Variants in FHIT observed in about 807,000 individuals in gnomAD.
FHIT encodes fragile histidine triad diadenosine triphosphatase, also known as bis(5'-adenosyl)-triphosphatase.
Under a neutral mutation model 17.9 loss-of-function variants are expected in FHIT, and 19 were observed. That is an observed-to-expected ratio of 1.06 (90% CI 0.74 to 1.56). The LOEUF (loss-of-function observed/expected upper bound fraction) is 1.56. FHIT is among the 40% of genes most tolerant of loss of function. The pLI is 0.00. For synonymous variants in FHIT, 81 were observed against 69.7 expected, an observed-to-expected ratio of 1.16 and a Z score of -0.81; for missense variants, 248 against 189.2, an observed-to-expected ratio of 1.31 and a Z score of -1.82.
intron 6 of FHIT, 34 bp from the exon 7 acceptor site, chr3:60,011,434 T>TC (rs769252439): frequency 6.3e-7 from 1 of 1,580,566 alleles, no homozygotes; most frequent in Non-Finnish European, 8.7e-7. Context: ...GAGGTGAGAA[T>TC]AGATAGATGG....
intron 4 of FHIT, among the ~76,000 whole-genome samples, chr3:60,710,382 A>C (rs2041491224): frequency 1.3e-5 from 2 of 152,190 alleles, no homozygotes; most frequent in Non-Finnish European, 2.9e-5. Flanking sequence ...CATCTGAGGT[A>C]CCCGGTTCAT....
intron 3 of FHIT, among the ~76,000 whole-genome samples, chr3:60,993,438 T>G (rs1195282285): frequency 6.6e-6 from 1 of 152,218 alleles, no homozygotes; most frequent in Non-Finnish European, 1.5e-5. Context: ...GAAGTTCTGC[T>G]ATACCCAACA....
chr3:61,131,409 T>C (rs886290797), intron 2 of FHIT, among the ~76,000 whole-genome samples: 1 of 152,200 alleles, frequency 6.6e-6, no homozygotes, highest in Non-Finnish European at 1.5e-5. Flanking sequence ...TCTTTGGTTG[T>C]TATCAAAATA....
intron 4 of FHIT, among the ~76,000 whole-genome samples, chr3:60,555,804 G>T (rs190153313): frequency 6.6e-6 from 1 of 152,162 alleles, no homozygotes; most frequent in Non-Finnish European, 1.5e-5. Context: ...GACTGAGACC[G>T]GCACCTGAAT....
Position 60,140,654 on chromosome 3 carries a change from C to T in FHIT, c.104-126502G>A, listed in dbSNP as rs138507143. On this transcript the variant is annotated intron_variant, in intron 5 of 9. Transcript: ENST00000492590. ...AGTGCAATGGCGTGATCTCAGCTCA[C>T]CGCAACCTCCACCTCCCAGGTTCAA... Among the ~76,000 whole-genome samples, 394 of 151,298 alleles carry T rather than the reference C, an allele frequency of 2.6e-3. 5 individuals are homozygous for T. Among genetic ancestry groups the T allele is most frequent in the Admixed American group, 0.022 (330 of 15,132 alleles).
At chr3:60,021,933 T>C (rs1287476279) in intron 5 of FHIT, among the ~76,000 whole-genome samples, 1 of 152,340 alleles carries the variant, frequency 6.6e-6, no homozygotes, top group African/African-American at 2.4e-5. Context: ...AAACACTGCA[T>C]GAAATGAAGT....
At chr3:60,378,087 C>CG (rs1017379312) in intron 5 of FHIT, among the ~76,000 whole-genome samples, 1 of 151,952 alleles carries the variant, frequency 6.6e-6, no homozygotes, top group African/African-American at 2.4e-5. Flanking sequence ...AGTGCAGTGG[C>CG]GCGATCACGG....
intron 5 of FHIT, among the ~76,000 whole-genome samples, chr3:60,266,426 T>C (rs954455287): frequency 3.3e-5 from 5 of 152,112 alleles, no homozygotes; most frequent in Admixed American, 2.6e-4. Context: ...TGACTGCTAA[T>C]GCATCTGGGG....
intron 7 of FHIT, among the ~76,000 whole-genome samples, chr3:59,929,875 T>TTTTTTTTTTTTTTTTCATATAAAA (rs1705879683): frequency 7.0e-6 from 1 of 142,858 alleles, no homozygotes. Context: ...TTTTTTTTTT[T>TTTTTTTTTTTTTTTTCATATAAAA]AGTCTCAATT....
chr3:60,406,817 G>A (rs1225683457), intron 5 of FHIT, among the ~76,000 whole-genome samples: 1 of 152,024 alleles, frequency 6.6e-6, no homozygotes, highest in Admixed American at 6.6e-5. Context: ...ATGTGTCGTA[G>A]CCAAAATTGG....
intron 7 of FHIT, among the ~76,000 whole-genome samples, chr3:59,938,205 A>T (rs1706336657): frequency 6.6e-6 from 1 of 152,222 alleles, no homozygotes; most frequent in Admixed American, 6.5e-5. Flanking sequence ...AAATACAATG[A>T]ATATTATTCG....
chr3:60,131,777 G>C (rs2107268917), intron 5 of FHIT, among the ~76,000 whole-genome samples: 1 of 152,052 alleles, frequency 6.6e-6, no homozygotes, highest in Non-Finnish European at 1.5e-5. Flanking sequence ...CTTCTACCTG[G>C]TAGCCTCTGC....
chr3:60,939,204 G>A (rs1444711007), intron 3 of FHIT, among the ~76,000 whole-genome samples: 1 of 152,060 alleles, frequency 6.6e-6, no homozygotes, highest in Non-Finnish European at 1.5e-5. Context: ...ATGTTACTCG[G>A]TAATACCATA....
At chr3:60,896,560 A>C (rs11706094) in intron 3 of FHIT, among the ~76,000 whole-genome samples, 82,816 of 151,976 alleles carry the variant, frequency 0.54, 25,564 homozygotes, top group East Asian at 0.9. Flanking sequence ...ATTGTCCCAC[A>C]AATAACACAA....
chr3:60,342,067 C>G (rs1483401005), intron 5 of FHIT, among the ~76,000 whole-genome samples: 1 of 152,182 alleles, frequency 6.6e-6, no homozygotes, highest in Non-Finnish European at 1.5e-5. Flanking sequence ...ACATTGAATT[C>G]CAAGCCATAC....
chr3:61,036,465 A>G (rs2033245602), intron 3 of FHIT, among the ~76,000 whole-genome samples: 1 of 152,140 alleles, frequency 6.6e-6, no homozygotes, highest in African/African-American at 2.4e-5. Flanking sequence ...GGGCACTTCA[A>G]ATGTTCCTCT....
chr3:61,142,413 CA>C lies in FHIT; in HGVS notation c.-164+58203del, dbSNP rs551934123. Among the ~76,000 whole-genome samples, 26 of 148,126 alleles carry C rather than the reference CA, an allele frequency of 1.8e-4. 1 individual carries two copies. The highest frequency in any genetic ancestry group is 7.4e-4 in the Admixed American group (11 of 14,784). The stretch of plus-strand genomic sequence containing the variant: ...GCTGAGAACTGCATGCAAAATAAAT[CA>C]AGTCAATGATGTATTTGAATGTGAC... On this transcript the variant is annotated intron_variant, in intron 2 of 9. Transcript: ENST00000492590.
At chr3:59,751,501 C>A in intron 9 of FHIT, 1 of 212,470 alleles carries the variant, frequency 4.7e-6, no homozygotes, top group Non-Finnish European at 9.5e-6. Flanking sequence ...ATATAGATTG[C>A]CAGATAGATC....
chr3:61,183,044 T>A (rs1302847908), intron 2 of FHIT, among the ~76,000 whole-genome samples: 3 of 152,204 alleles, frequency 2.0e-5, no homozygotes, highest in African/African-American at 7.2e-5. Context: ...AGATACAGAT[T>A]TCTGGAATAC....
Sources: gnomAD v4.1 joint callset for allele counts (sites outside exome capture counted in the v4.1 genomes callset) on GRCh38, gnomAD v4.1.1 for gene constraint, MANE v1.5 for transcripts, NCBI Gene and HGNC (gene_info 2026-07-23, HGNC 2026-07-21) for gene names.